The following BSCL2 variants were observed in gnomAD, a reference collection of about 807,000 sequenced individuals.
BSCL2 encodes the protein BSCL2 lipid droplet biogenesis associated, seipin.
BSCL2 carries 41 observed loss-of-function variants against 57.4 expected under a neutral mutation model. The observed-to-expected ratio is 0.71, with a 90% confidence interval of 0.56 to 0.93. BSCL2 has a LOEUF of 0.93. BSCL2 is among the 40% of genes least tolerant of loss of function. The probability of loss-of-function intolerance (pLI) is 0.00; values close to 1 mark genes in which losing one functional copy is unlikely to be tolerated. For missense variants in BSCL2, 539 were observed against 586.7 expected (o/e 0.92, Z 0.84); for synonymous variants, 237 against 227.3 (o/e 1.04, Z -0.38).
intron 6 of BSCL2, 128 bp from the exon 7 acceptor site, chr11:62,691,549 C>T: frequency 9.0e-7 from 1 of 1,106,788 alleles, no homozygotes; most frequent in South Asian, 1.3e-5. Context: ...TCACCCCTGC[C>T]TCCCACCCAC....
At position 62,695,526 on chromosome 11, in the gene BSCL2, T is replaced by C. The variant is rs1945429974; in HGVS notation, c.487-815A>G. ...GAGTTCGAGACCAGCCTGGCCAACA[T>C]GGTGAAACCCCCCGTCTCTATTAAA... On this transcript the variant is annotated intron_variant, in intron 3 of 10. Transcript: ENST00000360796. Among the ~76,000 whole-genome samples, 7 of 16,232 alleles carry C rather than the reference T, an allele frequency of 4.3e-4. No homozygotes were observed. In the Admixed American group the frequency reaches 9.2e-3, roughly 21 times the overall value. 10.6% of individuals were successfully genotyped at this position (16,232 alleles called of 152,430 possible). A position where few individuals can be genotyped will look rare whatever the true frequency, so the allele number is the denominator to read the frequency against.
chr11:62,695,376 A>C (rs1431524848), intron 3 of BSCL2, among the ~76,000 whole-genome samples: 1 of 151,990 alleles, frequency 6.6e-6, no homozygotes, highest in African/African-American at 2.4e-5. Flanking sequence ...AGTGAGGGTA[A>C]AGCTTCTGTT....
At chr11:62,693,540 A>T (rs1457825669) in intron 4 of BSCL2, among the ~76,000 whole-genome samples, 1 of 152,170 alleles carries the variant, frequency 6.6e-6, no homozygotes, top group Non-Finnish European at 1.5e-5. Flanking sequence ...ACTATGTGCT[A>T]ATGGGAATTT....
chr11:62,699,285 C>G (rs998485872), intron 3 of BSCL2, among the ~76,000 whole-genome samples: 5 of 151,926 alleles, frequency 3.3e-5, no homozygotes, highest in African/African-American at 1.2e-4. Context: ...GCAAGCTCCG[C>G]CTCCCAGGTT....
At chr11:62,708,460 C>T, upstream of BSCL2, 4 of 1,324,172 alleles carry the variant, frequency 3.0e-6, no homozygotes, top group Non-Finnish European at 3.3e-6. Context: ...GTTCCCAAAG[C>T]TCAAGATAAG....
upstream of BSCL2, chr11:62,709,274 G>C (rs762681458): frequency 4.4e-6 from 2 of 454,300 alleles, no homozygotes; most frequent in South Asian, 3.1e-5. Flanking sequence ...CCAGGGAAAA[G>C]GGCCAATCAA....
At chr11:62,690,584 C>A in intron 10 of BSCL2, 28 bp downstream of exon 10, 2 of 1,613,958 alleles carry the variant, frequency 1.2e-6, no homozygotes, top group African/African-American at 1.3e-5. Flanking sequence ...GGGGCCCCAC[C>A]CAGGTCACGC....
Sources: allele counts gnomAD v4.1 joint callset (sites outside exome capture counted in the v4.1 genomes callset), GRCh38; gene constraint gnomAD v4.1.1; transcripts MANE v1.5; gene names NCBI Gene and HGNC (gene_info 2026-07-23, HGNC 2026-07-21).